COL5A1: variants seen among roughly 807,000 people sequenced by gnomAD.
COL5A1 encodes collagen alpha-1(V) chain.
COL5A1 carries 16 observed loss-of-function variants against 263.7 expected under a neutral mutation model. That is an observed-to-expected ratio of 0.06 (90% confidence interval 0.04 to 0.09). The LOEUF is 0.09. Among genes scored for constraint, COL5A1 ranks in the 10% least tolerant of loss-of-function variants. The pLI is 1.00. For missense variants in COL5A1, 2,036 were observed against 2,540.5 expected, an observed-to-expected ratio of 0.80 and a Z score of 4.27; for synonymous variants, 1,012 against 1,004.5, an observed-to-expected ratio of 1.01 and a Z score of -0.14.
At chr9:134,662,877 G>T (rs1832251754) in intron 1 of COL5A1, among the ~76,000 whole-genome samples, 1 of 152,220 alleles carries the variant, frequency 6.6e-6, no homozygotes, top group African/African-American at 2.4e-5. Context: ...TAAACCTGGG[G>T]CTGTTAGCTA....
In COL5A1 at chr9:134,757,739, A is replaced by T. The variant is rs1471864174; in HGVS notation, c.1882-504A>T. The stretch of plus-strand genomic sequence containing the variant: ...AGACAGGGCCCTGTTCCCGGGCTCC[A>T]GGGCATGCAGAAGAGGGGCCGGCCA... On this transcript the variant is annotated intron_variant, in intron 17 of 65. Transcript: ENST00000371817. The surrounding 1 kb of genome is among the most constrained non-coding windows in gnomAD (Gnocchi z 6.2). 3.3e-5 allele frequency among the ~76,000 whole-genome samples: 5 copies of T among 152,164 alleles called. No homozygotes were observed. The highest frequency in any genetic ancestry group is 3.3e-4 in the Admixed American group (5 of 15,282).
rs1477671850 is a variant in COL5A1 at position 134,680,944 on chromosome 9, G to A, written c.110-9968G>A. The stretch of plus-strand genomic sequence containing the variant: ...TCTCCGCCTGGCACTGCAGCCTCGG[G>A]GGGCAGCGGGAGAGGCCGGGCCATC... On this transcript the variant is annotated intron_variant, in intron 1 of 65. Coordinates refer to ENST00000371817, the MANE Select transcript of COL5A1 (RefSeq NM_000093.5). The surrounding 1 kb of genome is among the most constrained non-coding windows in gnomAD (Gnocchi z 5.9). Among the ~76,000 whole-genome samples, 2 of 152,180 alleles carry A rather than the reference G, an allele frequency of 1.3e-5. No individual in the cohort carries two copies. Among genetic ancestry groups the A allele is most frequent in the Non-Finnish European group, 2.9e-5 (2 of 68,014 alleles).
In COL5A1 at chr9:134,755,885, C is replaced by T. The variant is rs10122768; in HGVS notation, c.1828-880C>T. ...AGCTGCCACCCTCCAGATCTTCTCT[C>T]TGCTTGGTGGTGGGTTGGGGGCAAG... On this transcript the variant is annotated intron_variant, in intron 16 of 65. Coordinates refer to ENST00000371817, the MANE Select transcript of COL5A1 (RefSeq NM_000093.5). This position sits in a 1 kb window ranked among gnomAD's most constrained non-coding sequence, Gnocchi z 4.1. 0.036 allele frequency among the ~76,000 whole-genome samples: 5,463 copies of T among 152,194 alleles called. 263 individuals carry two copies. Among genetic ancestry groups the T allele is most frequent in the African/African-American group, 0.1 (4,265 of 41,516 alleles).
intron 27 of COL5A1, 151 bp downstream of exon 27, chr9:134,775,063 C>A (rs145836325): frequency 2.6e-6 from 2 of 773,232 alleles, no homozygotes; most frequent in Non-Finnish European, 4.4e-6. Flanking sequence ...CTTGTGTGGA[C>A]GCTAGGTCTC....
Position 134,742,969 on chromosome 9 carries a change from C to T in COL5A1, c.1494+4161C>T, listed in dbSNP as rs957187907. Among the ~76,000 whole-genome samples the T allele has an allele frequency of 3.9e-5, 6 of 152,180 alleles. No individual in the cohort carries two copies. The highest frequency in any genetic ancestry group is 4.8e-5 in the African/African-American group (2 of 41,430). On this transcript the variant is annotated intron_variant, in intron 11 of 65. Transcript: ENST00000371817. The surrounding 1 kb of genome is among the most constrained non-coding windows in gnomAD (Gnocchi z 4.6). ...GCCTTCCATGGACTTCCAGGGCCCA[C>T]ACCTGCTAGCCTCGATAGAAACACC...
chr9:134,738,314 C>G (rs1835176760), intron 9 of COL5A1, among the ~76,000 whole-genome samples, 160 bp from the exon 10 acceptor site: 1 of 152,226 alleles, frequency 6.6e-6, no homozygotes, highest in Non-Finnish European at 1.5e-5. Context: ...GAGGCCCCAC[C>G]ACAGGCCCCC....
intron 1 of COL5A1, among the ~76,000 whole-genome samples, chr9:134,685,433 T>TTCATCCA (rs1833015797): frequency 6.0e-5 from 2 of 33,124 alleles, no homozygotes; most frequent in African/African-American, 1.3e-4. Context: ...CATCCATCCA[T>TTCATCCA]CCATCCATTG....
At chr9:134,799,423 G>A (rs1838031763) in intron 37 of COL5A1, among the ~76,000 whole-genome samples, 1 of 152,196 alleles carries the variant, frequency 6.6e-6, no homozygotes, top group South Asian at 2.1e-4. Flanking sequence ...TTCTCCGAGT[G>A]CCCACCTACT....
intron 48 of COL5A1, 78 bp downstream of exon 48, chr9:134,812,790 G>A: frequency 1.0e-6 from 1 of 979,884 alleles, no homozygotes; most frequent in Non-Finnish European, 1.6e-6. Context: ...GTGTGTGTCT[G>A]TGTGTATGTG....
chr9:134,837,512 C>T (rs1025161616), intron 65 of COL5A1, among the ~76,000 whole-genome samples: 9 of 152,096 alleles, frequency 5.9e-5, no homozygotes, highest in African/African-American at 2.2e-4. Flanking sequence ...GCTCCTGCCC[C>T]TACTCATTCC....
At chr9:134,792,039 GA>G (rs1336903197) in intron 32 of COL5A1, among the ~76,000 whole-genome samples, 1 of 152,252 alleles carries the variant, frequency 6.6e-6, no homozygotes, top group African/African-American at 2.4e-5. Flanking sequence ...AGCCCTGCAG[GA>G]GGGACAGAAG....
chr9:134,814,055 C>T lies in COL5A1; in HGVS notation c.3906+19C>T, dbSNP rs571788196. On this transcript the variant is annotated intron_variant, in intron 49 of 65. Transcript: ENST00000371817. Reference sequence around the variant, plus strand: ...CCCCCCGGTGAGTGAGCGGGCGCTGCGGGAGGGGTGGGATATGGCCGAGCG... The same window carrying T: ...CCCCCCGGTGAGTGAGCGGGCGCTGTGGGAGGGGTGGGATATGGCCGAGCG... 145 of 1,550,080 alleles carry T rather than the reference C, an allele frequency of 9.4e-5. No individual in the cohort carries two copies. In the Middle Eastern group the frequency reaches 2.0e-3, roughly 21 times the overall value.
intron 13 of COL5A1, among the ~76,000 whole-genome samples, chr9:134,751,592 G>C (rs943354136): frequency 6.9e-6 from 1 of 144,440 alleles, no homozygotes; most frequent in Non-Finnish European, 1.5e-5. Context: ...CTCATTAGTG[G>C]CCTGTGTTTT....
chr9:134,753,605 G>T (rs1457867958), intron 14 of COL5A1, among the ~76,000 whole-genome samples: 1 of 152,202 alleles, frequency 6.6e-6, no homozygotes, highest in African/African-American at 2.4e-5. Context: ...GTGTTTGCGA[G>T]CCCCAACAAC....
intron 44 of COL5A1, 140 bp downstream of exon 44, chr9:134,810,448 G>A: frequency 1.3e-6 from 1 of 781,256 alleles, no homozygotes; most frequent in Non-Finnish European, 2.1e-6. Context: ...TCCCGTGCAT[G>A]TGTGTTCCCA....
intron 42 of COL5A1, among the ~76,000 whole-genome samples, chr9:134,807,861 T>C (rs1838352836): frequency 6.6e-6 from 1 of 152,170 alleles, no homozygotes; most frequent in Non-Finnish European, 1.5e-5. Context: ...CAGCTGGAAA[T>C]GGCTTGGTTC....
chr9:134,731,598 C>T lies in COL5A1; in HGVS notation c.1267C>T (p.Pro423Ser), dbSNP rs1182477785. The T allele has an allele frequency of 1.9e-6, 3 of 1,614,202 alleles. No homozygotes were observed. Among genetic ancestry groups the T allele is most frequent in the South Asian group, 2.2e-5 (2 of 91,088 alleles). ...DENYYDPYYD[P>S]TSSPSEIGPG... ...GAACTACTACGACCCCTACTACGAC[C>T]CCACCAGCTCCCCGTCGGAGATCGG... is the stretch of plus-strand genomic sequence containing the variant. The change falls in exon 8 of 66, where the codon CCC becomes TCC. Residue 423 changes from proline to serine, a missense_variant. By Grantham distance (74) the Pro-to-Ser change is moderately conservative. Around this residue, in one of 3 missense-constraint regions of COL5A1, gnomAD observed 600 missense variants for 634.5 expected, o/e 0.95. Coordinates refer to ENST00000371817, the MANE Select transcript of COL5A1 (RefSeq NM_000093.5).
Position 134,820,072 on chromosome 9 carries a change from C to T in COL5A1, c.4447-44C>T, listed in dbSNP as rs112700360. 5,895 of 1,465,280 alleles carry T rather than the reference C, an allele frequency of 4.0e-3. 57 individuals carry two copies. Among genetic ancestry groups the T allele is most frequent in the African/African-American group, 0.03 (2,193 of 72,024 alleles). 90.8% of individuals were successfully genotyped at this position (1,465,280 alleles called of 1,614,324 possible). On this transcript the variant is annotated intron_variant, in intron 57 of 65. Coordinates refer to ENST00000371817, the MANE Select transcript of COL5A1 (RefSeq NM_000093.5). ...TGGCCCACCGTGGCCGAGCATGAGG[C>T]GTGGCTCCCTCAAATGCCCCTTCCT...
At chr9:134,714,409 G>A (rs927751758) in intron 4 of COL5A1, among the ~76,000 whole-genome samples, 1 of 150,988 alleles carries the variant, frequency 6.6e-6, no homozygotes, top group Non-Finnish European at 1.5e-5. Context: ...TGGTAGTGGT[G>A]GTGGTGAAGG....
Sources: gnomAD v4.1 joint callset for allele counts (sites outside exome capture counted in the v4.1 genomes callset) on GRCh38, gnomAD v4.1.1 for gene constraint, gnomAD v4.1.1 regional missense constraint, Gnocchi (gnomAD v3.1) non-coding constraint, MANE v1.5 for transcripts, NCBI Gene and HGNC (gene_info 2026-07-23, HGNC 2026-07-21) for gene names.